PCDHA7: variants seen among roughly 807,000 people sequenced by gnomAD.
The protein encoded by PCDHA7 is protocadherin alpha-7.
A neutral mutation model predicts 57.2 loss-of-function variants in PCDHA7; 37 were observed. The ratio of observed to expected loss-of-function variants is 0.65; its 90% CI spans 0.50 to 0.85. The LOEUF is 0.85. Ranked by LOEUF, PCDHA7 falls within the 40% of genes least tolerant of loss-of-function variation. The probability of loss-of-function intolerance (pLI) is 0.00; values close to 1 mark genes in which losing one functional copy is unlikely to be tolerated. For missense variants in PCDHA7, 1,188 were observed against 1,241.8 expected, an observed-to-expected ratio of 0.96 and a Z score of 0.65; for synonymous variants, 553 against 558.8, an observed-to-expected ratio of 0.99 and a Z score of 0.15.
intron 1 of PCDHA7, among the ~76,000 whole-genome samples, chr5:140,944,386 T>C (rs1228891284): frequency 6.6e-6 from 1 of 152,054 alleles, no homozygotes; most frequent in Admixed American, 6.6e-5. Flanking sequence ...GGAGTCTCAC[T>C]GTGTTATCCA....
chr5:140,964,968 G>A lies in PCDHA7; in HGVS notation c.2356-13981G>A, dbSNP rs566051914. On this transcript the variant is annotated intron_variant, in intron 1 of 3. Coordinates refer to ENST00000525929, the MANE Select transcript of PCDHA7 (RefSeq NM_018910.3). ...GAGTGTGCTTGGTTGGTGGAACGAA[G>A]GGATGTGCTAGTTCAGGCCTTTGAA... 3.9e-5 allele frequency among the ~76,000 whole-genome samples: 6 copies of A among 152,326 alleles called. No individual in the cohort carries two copies. In the South Asian group the frequency reaches 1.0e-3, roughly 26 times the overall value.
intron 1 of PCDHA7, among the ~76,000 whole-genome samples, chr5:140,881,835 G>A (rs1048266615): frequency 2.6e-5 from 4 of 152,124 alleles, no homozygotes; most frequent in Non-Finnish European, 5.9e-5. Context: ...AGTTCTGCAT[G>A]GAATTCTTAC....
chr5:140,930,591 CAT>C (rs1554207939), intron 1 of PCDHA7: 1 of 152,406 alleles, frequency 6.6e-6, no homozygotes, highest in African/African-American at 2.4e-5. Flanking sequence ...TTTGACTTCT[CAT>C]AGAAATCCTA....
At chr5:140,841,732 C>A (rs1554138500) in intron 1 of PCDHA7, 4 of 1,613,740 alleles carry the variant, frequency 2.5e-6, no homozygotes, top group Non-Finnish European at 2.5e-6. Flanking sequence ...GGGTAAAAGA[C>A]CAAAAGCTGT....
chr5:140,970,193 G>C (rs1243334467), intron 1 of PCDHA7, among the ~76,000 whole-genome samples: 2 of 152,166 alleles, frequency 1.3e-5, no homozygotes, highest in African/African-American at 4.8e-5. Context: ...ATTGTAAGAG[G>C]ATTTCCCTGA....
At chr5:140,882,009 A>C in intron 1 of PCDHA7, 1 of 522,488 alleles carries the variant, frequency 1.9e-6, no homozygotes, top group East Asian at 3.2e-5. Context: ...AGGGGCAAAA[A>C]AATACTACAT....
chr5:140,884,454 A>G, intron 1 of PCDHA7: 2 of 1,613,688 alleles, frequency 1.2e-6, no homozygotes, highest in Non-Finnish European at 1.7e-6. Flanking sequence ...CCGCCCACCG[A>G]GGGCGCGTGC....
At chr5:140,984,784 A>G (rs1022121650) in intron 3 of PCDHA7, among the ~76,000 whole-genome samples, 4 of 152,168 alleles carry the variant, frequency 2.6e-5, no homozygotes, top group Non-Finnish European at 4.4e-5. Context: ...TTGCTGGGTG[A>G]GCATAGACAA....
chr5:140,965,678 T>C (rs937496921), intron 1 of PCDHA7, among the ~76,000 whole-genome samples: 1 of 152,182 alleles, frequency 6.6e-6, no homozygotes, highest in Non-Finnish European at 1.5e-5. Context: ...ATGTAAAAGA[T>C]TTGAAGCAAG....
At chr5:140,904,187 C>T (rs1554191348) in intron 1 of PCDHA7, among the ~76,000 whole-genome samples, 1 of 151,982 alleles carries the variant, frequency 6.6e-6, no homozygotes, top group Non-Finnish European at 1.5e-5. Context: ...ACCCCCTTCC[C>T]ACCCTTTCCC....
chr5:140,984,712 G>A (rs2097116348), intron 3 of PCDHA7, among the ~76,000 whole-genome samples: 1 of 152,096 alleles, frequency 6.6e-6, no homozygotes, highest in Non-Finnish European at 1.5e-5. Context: ...AGGGAATATG[G>A]CATAAAGATT....
At chr5:140,927,981 T>C (rs2084836319) in intron 1 of PCDHA7, 2 of 1,614,206 alleles carry the variant, frequency 1.2e-6, no homozygotes, top group Non-Finnish European at 1.7e-6. Flanking sequence ...CTCTCTTTAG[T>C]GTAAAGGATG....
chr5:140,910,411 A>C (rs1554194248), intron 1 of PCDHA7, among the ~76,000 whole-genome samples: 2 of 152,062 alleles, frequency 1.3e-5, no homozygotes, highest in African/African-American at 4.8e-5. Flanking sequence ...CCACCTCGAG[A>C]TCCAATTATT....
chr5:140,842,994 A>G lies in PCDHA7; in HGVS notation c.2355+6256A>G, dbSNP rs1409771801. 3.8e-6 allele frequency: 6 copies of G among 1,595,048 alleles called. 1 individual carries two copies. The Admixed American group carries it at 1.0e-4, about 27-fold the overall frequency. ...ACGCTGCAGGTGTTCGTGCTGGACGAGAATGACAACGCGCCGGCACTGCTG... is the reference window on the plus strand; with the variant it reads ...ACGCTGCAGGTGTTCGTGCTGGACGGGAATGACAACGCGCCGGCACTGCTG... On this transcript the variant is annotated intron_variant, in intron 1 of 3. Coordinates refer to ENST00000525929, the MANE Select transcript of PCDHA7 (RefSeq NM_018910.3).
intron 1 of PCDHA7, chr5:140,881,303 C>G (rs2058657354): frequency 2.1e-6 from 2 of 962,486 alleles, no homozygotes; most frequent in African/African-American, 1.8e-5. Flanking sequence ...GAAACTTTAA[C>G]CTCCTGGTTA....
At chr5:140,848,380 T>A in intron 1 of PCDHA7, 1 of 1,186,720 alleles carries the variant, frequency 8.4e-7, no homozygotes, top group Non-Finnish European at 1.2e-6. Context: ...CAATTCTTTT[T>A]CACTCTCTCT....
chr5:140,971,452 T>G (rs1554233345), intron 1 of PCDHA7, among the ~76,000 whole-genome samples: 1 of 152,088 alleles, frequency 6.6e-6, no homozygotes, highest in Admixed American at 6.5e-5. Context: ...CTCCAGAAAT[T>G]TTTGCAGTTA....
At chr5:140,871,033 C>G (rs201299652) in intron 1 of PCDHA7, 336 of 1,613,234 alleles carry the variant, frequency 2.1e-4, no homozygotes, top group Non-Finnish European at 2.7e-4. Flanking sequence ...CTCGCCGCGC[C>G]ACCGACTTCT....
chr5:140,841,713 C>T, intron 1 of PCDHA7: 1 of 1,613,888 alleles, frequency 6.2e-7, no homozygotes, highest in Non-Finnish European at 8.5e-7. Context: ...GACAACCCGC[C>T]AGTGTTCCGG....
Sources: allele counts gnomAD v4.1 joint callset (sites outside exome capture counted in the v4.1 genomes callset), GRCh38; gene constraint gnomAD v4.1.1; transcripts MANE v1.5; gene names NCBI Gene and HGNC (gene_info 2026-07-23, HGNC 2026-07-21).